The following DGKQ variants were observed in gnomAD, a reference collection of about 807,000 sequenced individuals.
DGKQ encodes the protein diacylglycerol kinase theta.
A neutral mutation model predicts 104.2 loss-of-function variants in DGKQ; 97 were observed. The observed-to-expected ratio is 0.93, with a 90% CI of 0.79 to 1.10. DGKQ has a LOEUF of 1.10. DGKQ is among the 50% of genes least tolerant of loss of function. The pLI is 0.00. For synonymous variants in DGKQ, 736 were observed against 595.2 expected, an observed-to-expected ratio of 1.24 and a Z score of -3.44; for missense variants, 1,465 against 1,352.1, an observed-to-expected ratio of 1.08 and a Z score of -1.31.
In DGKQ at chr4:961,159, G is replaced by C. The variant is rs757433895; in HGVS notation, c.2617C>G (p.Gln873Glu). The change falls in exon 22 of 23, where the codon CAG becomes GAG. Residue 873 changes from glutamine (Q) to glutamate (E), a missense_variant. Gln to Glu is a conservative substitution (Grantham distance 29). Transcript: ENST00000273814. The part of the protein sequence containing the change: ...GGLRSGIRIA[Q>E]GSYFRVTLLK... ...AGCGTGACTCGGAAGTAGGAACCCT[G>C]GGCAATCCGGATTCCGGAGCGCAGC... 1 of 1,598,976 alleles carries C rather than the reference G, an allele frequency of 6.3e-7. No individual in the cohort carries two copies. The highest frequency in any genetic ancestry group is 8.5e-7 in the Non-Finnish European group (1 of 1,173,344).
chr4:968,035 G>T lies in DGKQ; in HGVS notation c.664-8C>A, dbSNP rs1051492773. ...GGAGCAGAGGGAGTGCGCCTGGGGG[G>T]AGAAGGGCCTGAGCTGGGGGGTTGG... is the stretch of plus-strand genomic sequence containing the variant. On this transcript the variant is annotated splice_region_variant and splice_polypyrimidine_tract_variant and intron_variant, in intron 5 of 22. Transcript: ENST00000273814. 1.6e-5 allele frequency: 23 copies of T among 1,424,046 alleles called. No homozygotes were observed. The highest frequency in any genetic ancestry group is 1.8e-5 in the Non-Finnish European group (20 of 1,098,284). 88.2% of individuals were successfully genotyped at this position (1,424,046 alleles called of 1,614,324 possible). A position where few individuals can be genotyped will look rare whatever the true frequency, so the allele number is the denominator to read the frequency against.
In DGKQ at chr4:965,507, G is replaced by A; in HGVS notation, c.1602C>T (p.His534=). The A allele has an allele frequency of 6.2e-7, 1 of 1,611,978 alleles. No individual in the cohort carries two copies. The highest frequency in any genetic ancestry group is 8.5e-7 in the Non-Finnish European group (1 of 1,179,626). The change falls in exon 14 of 23, where the codon CAC becomes CAT. Residue 534 remains histidine, a synonymous_variant. Transcript: ENST00000273814. ...ATKATVVSVS[H]IYSSQGAVVL... Reference sequence around the variant, plus strand: ...GCAGCTCACCTTGGGAGGAGTAGATGTGACTCACGGACACCACGGTGGCTG... The same window carrying A: ...GCAGCTCACCTTGGGAGGAGTAGATATGACTCACGGACACCACGGTGGCTG...
At chr4:966,591 C>T (rs1577480106) in intron 11 of DGKQ, 64 bp from the exon 12 acceptor site, 29 of 1,564,398 alleles carry the variant, frequency 1.9e-5, no homozygotes, top group East Asian at 4.7e-5. Flanking sequence ...AGCAGCTGCC[C>T]GGAGCCCCCA....
At position 968,265 on chromosome 4, in the gene DGKQ, G is replaced by T; in HGVS notation, c.663+17C>A. 3 of 369,630 alleles carry T rather than the reference G, an allele frequency of 8.1e-6. No homozygotes were observed. The highest frequency in any genetic ancestry group is 7.8e-5 in the South Asian group (2 of 25,564). The allele number at this position is 369,630 out of a possible 1,614,324, so 22.9% of individuals were successfully genotyped here. Reference sequence around the variant, plus strand: ...TCTCCTGCCCCACCCCCACCCCCTCGACTTCCCAGCGCCCACCTGGACCCC... The same window carrying T: ...TCTCCTGCCCCACCCCCACCCCCTCTACTTCCCAGCGCCCACCTGGACCCC... On this transcript the variant is annotated intron_variant, in intron 5 of 22. Coordinates refer to ENST00000273814, the MANE Select transcript of DGKQ (RefSeq NM_001347.4).
chr4:961,561 T>A lies in DGKQ; in HGVS notation c.2480A>T (p.Asp827Val). 4.4e-6 allele frequency: 7 copies of A among 1,608,404 alleles called. No individual in the cohort carries two copies. The highest frequency in any genetic ancestry group is 5.9e-6 in the Non-Finnish European group (7 of 1,178,344). Residue 827 changes from aspartate (D) to valine (V), a missense_variant, in exon 21 of 23, where the codon GAC becomes GTC. Coordinates refer to ENST00000273814, the MANE Select transcript of DGKQ (RefSeq NM_001347.4). ...INIPSWGSGA[D>V]LWGSDSDTRF... ...GGTGTCGCTGTCGGAGCCCCACAGG[T>A]CGGCCCCCGAGCCCCAGCTGCCGCA...
At position 962,890 on chromosome 4, in the gene DGKQ, G is replaced by A; in HGVS notation, c.1917C>T (p.Phe639=). ...CATCGCCACCACACACCAGCACCCG[G>A]AAGCAGGGCACCTGGGAGAACAGGT... The part of the protein sequence containing the change: ...GLHLFSQVPC[F]RVLVCGGDGT... Residue 639 remains phenylalanine (F), a synonymous_variant, in exon 17 of 23, where the codon TTC becomes TTT. Transcript: ENST00000273814. The A allele has an allele frequency of 1.2e-6, 2 of 1,609,874 alleles. No individual in the cohort carries two copies. The highest frequency in any genetic ancestry group is 1.1e-5 in the South Asian group (1 of 90,390).
chr4:966,894 C>A, intron 10 of DGKQ, 70 bp downstream of exon 10: 1 of 1,552,094 alleles, frequency 6.4e-7, no homozygotes, highest in Non-Finnish European at 8.7e-7. Context: ...GGGATGGTGG[C>A]CTGGCCTCCT....
At position 963,202 on chromosome 4, in the gene DGKQ, C is replaced by A; in HGVS notation, c.1823G>T (p.Ser608Ile). Residue 608 changes from serine (S) to isoleucine (I), a missense_variant, in exon 16 of 23, where the codon AGC becomes ATC. Transcript: ENST00000273814. The part of the protein sequence containing the change: ...GGLKGRDLLC[S>I]FRKLLNPHQV... ...ATGAGGGTTCAGTAGCTTCCGGAAG[C>A]TGCAGAGCAGGTCTCGGCCCTTGAG... The A allele has an allele frequency of 6.2e-7, 1 of 1,611,468 alleles. No homozygotes were observed. The highest frequency in any genetic ancestry group is 8.5e-7 in the Non-Finnish European group (1 of 1,178,800).
At chr4:965,751 G>A (rs772575289) in intron 13 of DGKQ, among the ~76,000 whole-genome samples, 177 bp downstream of exon 13, 6 of 152,172 alleles carry the variant, frequency 3.9e-5, no homozygotes, top group African/African-American at 1.4e-4. Flanking sequence ...CGCAGGGAAC[G>A]GCCACAGAGG....
At position 960,395 on chromosome 4, in the gene DGKQ, G is replaced by A. The variant is rs561975676; in HGVS notation, c.*225C>T. Reference sequence around the variant, plus strand: ...GGGACACGGGGTAACACTGCCACCCGCACACCAGTCTCCAGTGGGATGAGG... The same window carrying A: ...GGGACACGGGGTAACACTGCCACCCACACACCAGTCTCCAGTGGGATGAGG... On this transcript the variant is annotated 3_prime_UTR_variant, in exon 23 of 23. Transcript: ENST00000273814. The A allele has an allele frequency of 1.9e-5, 11 of 580,318 alleles. No homozygotes were observed. The East Asian group carries it at 2.5e-4, about 13-fold the overall frequency. The allele number at this position is 580,318 out of a possible 1,614,324, so 35.9% of individuals were successfully genotyped here. A position where few individuals can be genotyped will look rare whatever the true frequency, so the allele number is the denominator to read the frequency against.
In DGKQ at chr4:971,023, C is replaced by T. The variant is rs780672484; in HGVS notation, c.321G>A (p.Pro107=). The part of the protein sequence containing the change: ...HEKCLKHVRI[P]CTSVAPSLVR... ...CCAGGCTGGGTGCCACACTCGTGCA[C>T]GGGATCCTCACGTGCTTCAGGCACT... Residue 107 remains proline, a synonymous_variant, in exon 2 of 23, where the codon CCG becomes CCA. Transcript: ENST00000273814. The surrounding 1 kb of genome is among the most constrained non-coding windows in gnomAD (Gnocchi z 4.0). 1.8e-5 allele frequency: 28 copies of T among 1,555,154 alleles called. No individual in the cohort carries two copies. Among genetic ancestry groups the T allele is most frequent in the East Asian group, 2.4e-5 (1 of 41,738 alleles).
chr4:959,939 G>C lies in DGKQ; in HGVS notation c.*681C>G, dbSNP rs911032522. 1 of 152,232 alleles carries C rather than the reference G, an allele frequency of 6.6e-6. No homozygotes were observed. Among genetic ancestry groups the C allele is most frequent in the African/African-American group, 2.4e-5 (1 of 41,444 alleles). The allele number at this position is 152,232 out of a possible 1,614,324, so 9.4% of individuals were successfully genotyped here. The stretch of plus-strand genomic sequence containing the variant: ...AGAGGCACTAGGAAAGGGCCACCAG[G>C]TCCAGCTGGGCACTGCCTGCCCCTG... On this transcript the variant is annotated 3_prime_UTR_variant, in exon 23 of 23. Coordinates refer to ENST00000273814, the MANE Select transcript of DGKQ (RefSeq NM_001347.4).
chr4:968,495 T>A lies in DGKQ; in HGVS notation c.521A>T (p.Asp174Val), dbSNP rs771339062. ...ACSDCRQCHQDGHQDHDTHHH... is the reference protein window; with the variant it reads ...ACSDCRQCHQVGHQDHDTHHH... Reference sequence around the variant, plus strand: ...TACACTCACGTGATCCTGGTGCCCATCCTGGTGGCACTGGCGGCAGTCACT... The same window carrying A: ...TACACTCACGTGATCCTGGTGCCCAACCTGGTGGCACTGGCGGCAGTCACT... Residue 174 changes from aspartate to valine, a missense_variant, in exon 4 of 23, where the codon GAT becomes GTT. Coordinates refer to ENST00000273814, the MANE Select transcript of DGKQ (RefSeq NM_001347.4). The A allele has an allele frequency of 3.7e-6, 6 of 1,607,346 alleles. No individual in the cohort carries two copies. Among genetic ancestry groups the A allele is most frequent in the Non-Finnish European group, 5.1e-6 (6 of 1,177,568 alleles).
chr4:961,167 C>A lies in DGKQ; in HGVS notation c.2609G>T (p.Arg870Leu). The change falls in exon 22 of 23, where the codon CGG becomes CTG. Residue 870 changes from arginine (R) to leucine (L), a missense_variant. Transcript: ENST00000273814. ...QVQGGLRSGI[R>L]IAQGSYFRVT... is the part of the protein sequence containing the mutation. ...TCGGAAGTAGGAACCCTGGGCAATC[C>A]GGATTCCGGAGCGCAGCCCACCCTG... The A allele has an allele frequency of 6.3e-7, 1 of 1,592,944 alleles. No homozygotes were observed. Among genetic ancestry groups the A allele is most frequent in the East Asian group, 2.3e-5 (1 of 44,310 alleles).
In DGKQ at chr4:968,400, T is replaced by C. The variant is rs1339873936; in HGVS notation, c.545A>G (p.His182Arg). ...GTTCCCCTCCCGCCAGTGGTGGTGA[T>C]GGGTGTCCTGCAGAGCGGGGGCAGT... is the stretch of plus-strand genomic sequence containing the variant. Reference protein sequence around the residue: ...HQDGHQDHDTHHHHWREGNLP... With the variant: ...HQDGHQDHDTRHHHWREGNLP... The change falls in exon 5 of 23, where the codon CAT becomes CGT. Residue 182 changes from histidine to arginine, a missense_variant. Transcript: ENST00000273814. 4 of 1,577,330 alleles carry C rather than the reference T, an allele frequency of 2.5e-6. No individual in the cohort carries two copies. Among genetic ancestry groups the C allele is most frequent in the East Asian group, 2.3e-5 (1 of 43,194 alleles).
At chr4:968,994 C>G in intron 2 of DGKQ, 84 bp from the exon 3 acceptor site, 1 of 883,986 alleles carries the variant, frequency 1.1e-6, no homozygotes, top group Non-Finnish European at 1.7e-6. Flanking sequence ...CTGCGCAACT[C>G]TGCAGCTCAC....
In DGKQ at chr4:968,916, G is replaced by T; in HGVS notation, c.352-6C>A. 1 of 1,577,328 alleles carries T rather than the reference G, an allele frequency of 6.3e-7. No homozygotes were observed. ...AAGCAGTGGGCTACAGGAACCTGGTGGGGCAGCCTCACCTCAGCACCCTTG... is the reference window on the plus strand; with the variant it reads ...AAGCAGTGGGCTACAGGAACCTGGTTGGGCAGCCTCACCTCAGCACCCTTG... On this transcript the variant is annotated splice_region_variant and splice_polypyrimidine_tract_variant and intron_variant, in intron 2 of 22. Transcript: ENST00000273814.
rs748727527 is a variant in DGKQ, at chr4:968,328, G to C, written c.617C>G (p.Ser206Cys). 7.5e-7 allele frequency: 1 copy of C among 1,335,280 alleles called. No homozygotes were observed. Among genetic ancestry groups the C allele is most frequent in the South Asian group, 1.3e-5 (1 of 78,060 alleles). 82.7% of individuals were successfully genotyped at this position (1,335,280 alleles called of 1,614,324 possible). A position where few individuals can be genotyped will look rare whatever the true frequency, so the allele number is the denominator to read the frequency against. Residue 206 changes from serine to cysteine, a missense_variant, in exon 5 of 23, where the codon TCC becomes TGC. By Grantham distance (112) the Ser-to-Cys change is moderately radical (BLOSUM62 -1). Transcript: ENST00000273814. ...RCEVCRKTCG[S>C]SDVLAGVRCE... The stretch of plus-strand genomic sequence containing the variant: ...GCGCACGCCGGCCAGCACGTCAGAG[G>C]AGCCGCACGTCTTCCTGCAGACCTC...
Position 966,476 on chromosome 4 carries a change from T to C in DGKQ, c.1418A>G (p.Asp473Gly). The change falls in exon 12 of 23, where the codon GAC becomes GGC. Residue 473 changes from aspartate to glycine, a missense_variant. Coordinates refer to ENST00000273814, the MANE Select transcript of DGKQ (RefSeq NM_001347.4). ...DEQPLLDRLQDIRQMSVRQVS... is the reference protein window; with the variant it reads ...DEQPLLDRLQGIRQMSVRQVS... ...TCCACACCCACTCACCTGCCGGATG[T>C]CCTGTAGCCGGTCCAGCAGGGGCTG... The C allele has an allele frequency of 6.2e-7, 1 of 1,612,434 alleles. No individual in the cohort carries two copies. Among genetic ancestry groups the C allele is most frequent in the Non-Finnish European group, 8.5e-7 (1 of 1,179,676 alleles).
Sources: gnomAD v4.1 joint callset for allele counts (sites outside exome capture counted in the v4.1 genomes callset) on GRCh38, gnomAD v4.1.1 for gene constraint, Gnocchi (gnomAD v3.1) non-coding constraint, MANE v1.5 for transcripts, NCBI Gene and HGNC (gene_info 2026-07-23, HGNC 2026-07-21) for gene names.